RAP1GDS1: variants seen among roughly 807,000 people sequenced by gnomAD.
The protein encoded by RAP1GDS1 is RAP1, GTP-GDP dissociation stimulator 1.
RAP1GDS1 carries 35 observed loss-of-function variants against 71.1 expected under a neutral mutation model. The observed-to-expected ratio is 0.49, with a 90% CI of 0.38 to 0.65. The LOEUF (loss-of-function observed/expected upper bound fraction) is 0.65, where lower values mean the gene tolerates loss of function less well. Among genes scored for constraint, RAP1GDS1 ranks in the 30% least tolerant of loss-of-function variants. The pLI, the probability that RAP1GDS1 is intolerant of heterozygous loss-of-function variation, is 0.00. For missense variants in RAP1GDS1, 663 were observed against 706.1 expected, an observed-to-expected ratio of 0.94 and a Z score of 0.69; for synonymous variants, 229 against 243.1, an observed-to-expected ratio of 0.94 and a Z score of 0.54.
chr4:98,438,519 T>C lies in RAP1GDS1; in HGVS notation c.1696+1451T>C, dbSNP rs114267292. The stretch of plus-strand genomic sequence containing the variant: ...GTTTGTCACATTTCTTCTTTATTTC[T>C]GACTTCCTATGGGTTAAACATTTTT... On this transcript the variant is annotated intron_variant, in intron 14 of 14. Coordinates refer to ENST00000408927, the MANE Select transcript of RAP1GDS1 (RefSeq NM_001100427.2). Among the ~76,000 whole-genome samples, 1,067 of 148,692 alleles carry C rather than the reference T, an allele frequency of 7.2e-3. 11 individuals carry two copies. The highest frequency in any genetic ancestry group is 0.025 in the African/African-American group (1,022 of 40,792).
chr4:98,410,156 G>T (rs1226826464), intron 7 of RAP1GDS1, among the ~76,000 whole-genome samples: 1 of 152,054 alleles, frequency 6.6e-6, no homozygotes, highest in Non-Finnish European at 1.5e-5. Context: ...ACACCGTTAA[G>T]AGTGAAAAGC....
chr4:98,386,252 C>T (rs17027545), intron 5 of RAP1GDS1, among the ~76,000 whole-genome samples: 10,403 of 151,714 alleles, frequency 0.069, 405 homozygotes, highest in Admixed American at 0.14. Flanking sequence ...GGCATAATCA[C>T]TCTAGTTGTC....
Position 98,416,491 on chromosome 4 carries a change from C to T in RAP1GDS1, c.764-254C>T, listed in dbSNP as rs1179494417. Among the ~76,000 whole-genome samples the T allele has an allele frequency of 4.0e-5, 6 of 151,338 alleles. 1 individual carries two copies. Among genetic ancestry groups the T allele is most frequent in the Admixed American group, 2.0e-4 (3 of 15,192 alleles). ...CCTCCTGAGTAGCTGTGACTACAGG[C>T]GCCTGCCACTGCACCTGGCTAATTT... On this transcript the variant is annotated intron_variant, in intron 7 of 14. Transcript: ENST00000408927.
chr4:98,368,105 G>A (rs1203237068), intron 4 of RAP1GDS1, among the ~76,000 whole-genome samples: 3 of 152,068 alleles, frequency 2.0e-5, no homozygotes, highest in Non-Finnish European at 4.4e-5. Flanking sequence ...GAATCATGGG[G>A]GCAGATCTTT....
At chr4:98,289,527 G>A (rs1229255220) in intron 1 of RAP1GDS1, among the ~76,000 whole-genome samples, 1 of 130,494 alleles carries the variant, frequency 7.7e-6, no homozygotes, top group Non-Finnish European at 1.6e-5. Context: ...AAAAGTTTCT[G>A]ATCGGTTTAG....
chr4:98,267,303 T>G (rs1019293863), intron 1 of RAP1GDS1, among the ~76,000 whole-genome samples: 2 of 152,170 alleles, frequency 1.3e-5, no homozygotes, highest in African/African-American at 2.4e-5. Context: ...TATTAGTTCC[T>G]TTTTTAAAAT....
intron 5 of RAP1GDS1, among the ~76,000 whole-genome samples, chr4:98,383,945 A>G (rs1422241126): frequency 6.6e-6 from 1 of 151,554 alleles, no homozygotes; most frequent in Non-Finnish European, 1.5e-5. Context: ...GTGAAGAACT[A>G]TTTTTAAACT....
chr4:98,267,542 T>C (rs1469864492), intron 1 of RAP1GDS1, among the ~76,000 whole-genome samples: 1 of 152,206 alleles, frequency 6.6e-6, no homozygotes, highest in African/African-American at 2.4e-5. Context: ...CCCATCTTTA[T>C]GTCCATATGT....
chr4:98,392,951 A>G (rs1743943456), intron 6 of RAP1GDS1, among the ~76,000 whole-genome samples: 1 of 152,134 alleles, frequency 6.6e-6, no homozygotes, highest in African/African-American at 2.4e-5. Context: ...GAGGAGGATG[A>G]TGGCCTCAGC....
chr4:98,293,584 A>G, intron 2 of RAP1GDS1, 69 bp downstream of exon 2: 2 of 1,095,824 alleles, frequency 1.8e-6, no homozygotes, highest in East Asian at 2.5e-5. Flanking sequence ...AGAAACTGGT[A>G]TGTAGTTAAG....
chr4:98,325,627 A>G (rs1578447375), intron 2 of RAP1GDS1, among the ~76,000 whole-genome samples: 1 of 151,196 alleles, frequency 6.6e-6, no homozygotes, highest in African/African-American at 2.4e-5. Context: ...TTGTAGGGAC[A>G]TGGATGAAAT....
chr4:98,381,016 G>A (rs1224265952), intron 5 of RAP1GDS1, among the ~76,000 whole-genome samples: 3 of 151,630 alleles, frequency 2.0e-5, no homozygotes, highest in Non-Finnish European at 3.0e-5. Context: ...ATCCCAGTGT[G>A]TAGAGAAGTG....
At chr4:98,280,212 T>C (rs1724853512) in intron 1 of RAP1GDS1, among the ~76,000 whole-genome samples, 1 of 152,240 alleles carries the variant, frequency 6.6e-6, no homozygotes. Flanking sequence ...TGAACTAGTT[T>C]ACAGTCCCAC....
chr4:98,406,613 A>C (rs970585898), intron 7 of RAP1GDS1, among the ~76,000 whole-genome samples: 4 of 152,074 alleles, frequency 2.6e-5, no homozygotes, highest in Non-Finnish European at 4.4e-5. Context: ...TTATAGAATA[A>C]GATAGAAGAA....
chr4:98,355,014 T>C (rs542075113), intron 4 of RAP1GDS1, among the ~76,000 whole-genome samples: 2 of 152,220 alleles, frequency 1.3e-5, no homozygotes, highest in Non-Finnish European at 2.9e-5. Context: ...TCAACTTCTT[T>C]GTGATTTTTC....
At chr4:98,268,521 ATC>A (rs1015896036) in intron 1 of RAP1GDS1, among the ~76,000 whole-genome samples, 1 of 152,112 alleles carries the variant, frequency 6.6e-6, no homozygotes, top group Non-Finnish European at 1.5e-5. Flanking sequence ...GAGTAAAATG[ATC>A]TGTTTAAAGA....
rs377703525 is a variant in RAP1GDS1, at chr4:98,353,872, T to C, written c.361+1271T>C. Among the ~76,000 whole-genome samples the C allele has an allele frequency of 3.9e-5, 6 of 152,276 alleles. No individual in the cohort carries two copies. The South Asian group carries it at 1.0e-3, about 26-fold the overall frequency. ...TTATTAAGCACCATAGTTTATAATA[T>C]CAACTTTCAAGACTGAATCATTTAT... On this transcript the variant is annotated intron_variant, in intron 4 of 14. Coordinates refer to ENST00000408927, the MANE Select transcript of RAP1GDS1 (RefSeq NM_001100427.2).
intron 2 of RAP1GDS1, among the ~76,000 whole-genome samples, chr4:98,340,127 A>G (rs1305162131): frequency 6.6e-6 from 1 of 152,192 alleles, no homozygotes. Context: ...TGGCCATTTT[A>G]CAAAGAACTT....
At chr4:98,406,099 G>A (rs1746074845) in intron 7 of RAP1GDS1, among the ~76,000 whole-genome samples, 1 of 151,958 alleles carries the variant, frequency 6.6e-6, no homozygotes, top group Non-Finnish European at 1.5e-5. Context: ...AGCGACTTAT[G>A]GAAAGGTTTT....
Sources: allele counts gnomAD v4.1 joint callset (sites outside exome capture counted in the v4.1 genomes callset), GRCh38; gene constraint gnomAD v4.1.1; transcripts MANE v1.5; gene names NCBI Gene and HGNC (gene_info 2026-07-23, HGNC 2026-07-21).